The following SLC35A4 variants were observed in gnomAD, a reference collection of about 807,000 sequenced individuals.
The protein encoded by SLC35A4 is solute carrier family 35 member A4, also known as probable UDP-sugar transporter protein SLC35A4.
A neutral mutation model predicts 18.8 loss-of-function variants in SLC35A4; 9 were observed. The ratio of observed to expected loss-of-function variants is 0.48; its 90% CI spans 0.29 to 0.83. The LOEUF is 0.83. SLC35A4 is among the 40% of genes least tolerant of loss of function. SLC35A4 has a pLI of 0.09. For missense variants in SLC35A4, 404 were observed against 415.5 expected (o/e 0.97, Z 0.24); for synonymous variants, 189 against 191.9 (o/e 0.98, Z 0.13).
chr5:140,567,951 C>T lies in SLC35A4; in HGVS notation c.782C>T (p.Ala261Val). 1 of 1,614,222 alleles carries T rather than the reference C, an allele frequency of 6.2e-7. No individual in the cohort carries two copies. Among genetic ancestry groups the T allele is most frequent in the South Asian group, 1.1e-5 (1 of 91,088 alleles). The change falls in exon 3 of 3, where the codon GCA (alanine) becomes GTA (valine). Residue 261 changes from alanine (A) to valine (V), a missense_variant. By Grantham distance (64) the Ala-to-Val change is moderately conservative. Transcript: ENST00000323146. ...GWAALVVLSQALNGLLMSAVM... is the reference protein window; with the variant it reads ...GWAALVVLSQVLNGLLMSAVM... The stretch of plus-strand genomic sequence containing the variant: ...GCAGCACTCGTGGTGCTGAGCCAGG[C>T]ACTAAATGGACTGCTCATGTCTGCT...
Position 140,568,187 on chromosome 5 carries a change from GCGC to G in SLC35A4, c.*45_*47del. The G allele has an allele frequency of 6.2e-7, 1 of 1,613,112 alleles. No individual in the cohort carries two copies. The highest frequency in any genetic ancestry group is 2.2e-5 in the East Asian group (1 of 44,886). On this transcript the variant is annotated 3_prime_UTR_variant, in exon 3 of 3. Transcript: ENST00000323146. ...CCTGATTCCGGACCCTGTAGATTGG[GCGC>G]CACCACCAGATCCCCCTCCCAGGCC...
In SLC35A4 at chr5:140,568,326, A is replaced by C. The variant is rs1235095518; in HGVS notation, c.*182A>C. 1.1e-6 allele frequency: 1 copy of C among 927,202 alleles called. No individual in the cohort carries two copies. Among genetic ancestry groups the C allele is most frequent in the Non-Finnish European group, 1.6e-6 (1 of 618,132 alleles). 57.4% of individuals were successfully genotyped at this position (927,202 alleles called of 1,614,324 possible). A position where few individuals can be genotyped will look rare whatever the true frequency, so the allele number is the denominator to read the frequency against. On this transcript the variant is annotated 3_prime_UTR_variant, in exon 3 of 3. Transcript: ENST00000323146. ...GGTTGGTGGATGAAGGGGTACCCCT[A>C]GGAGATGTGAAGTGTGGGTTTGGTT...
Position 140,566,762 on chromosome 5 carries a change from G to T in SLC35A4, c.-408G>T. On this transcript the variant is annotated 5_prime_UTR_variant, in exon 3 of 3. The change abolishes the stop of an existing upstream ORF in the 5' untranslated region. Transcript: ENST00000323146. ...AGTTGCTACGCAAGGGGCCCGACTA[G>T]CTCTAGGTGCCATGGAAGAGGCAGG... 1.7e-6 allele frequency: 1 copy of T among 599,166 alleles called. No homozygotes were observed. Among genetic ancestry groups the T allele is most frequent in the South Asian group, 2.0e-5 (1 of 49,672 alleles). The allele number at this position is 599,166 out of a possible 1,614,324, so 37.1% of individuals were successfully genotyped here.
chr5:140,567,459 G>A lies in SLC35A4; in HGVS notation c.290G>A (p.Gly97Asp). 1.2e-6 allele frequency: 2 copies of A among 1,614,122 alleles called. No individual in the cohort carries two copies. Among genetic ancestry groups the A allele is most frequent in the Non-Finnish European group, 1.7e-6 (2 of 1,180,030 alleles). Reference sequence around the variant, plus strand: ...TTCGCACTATCAGCCCTGCTCTATGGCGCTAACAACAACCTGGTGATCTAT... The same window carrying A: ...TTCGCACTATCAGCCCTGCTCTATGACGCTAACAACAACCTGGTGATCTAT... ...APFALSALLY[G>D]ANNNLVIYLQ... Residue 97 changes from glycine to aspartate, a missense_variant, in exon 3 of 3, where the codon GGC becomes GAC. Coordinates refer to ENST00000323146, the MANE Select transcript of SLC35A4 (RefSeq NM_080670.4).
chr5:140,565,751 G>A, intron 1 of SLC35A4, 122 bp from the exon 2 acceptor site: 1 of 395,454 alleles, frequency 2.5e-6, no homozygotes, highest in Admixed American at 4.4e-5. Flanking sequence ...ATCTCAGGAA[G>A]CTTTTATAGG....
At position 140,567,846 on chromosome 5, in the gene SLC35A4, C is replaced by T; in HGVS notation, c.677C>T (p.Thr226Ile). Residue 226 changes from threonine to isoleucine, a missense_variant, in exon 3 of 3, where the codon ACT becomes ATT. By Grantham distance (89) the Thr-to-Ile change is moderately conservative. Coordinates refer to ENST00000323146, the MANE Select transcript of SLC35A4 (RefSeq NM_080670.4). Reference protein sequence around the residue: ...PLALQNLFLYTFGVLLNLGLH... With the variant: ...PLALQNLFLYIFGVLLNLGLH... ...GCACTTCAGAACCTCTTCCTCTACA[C>T]TTTTGGTGTGCTTCTGAATCTAGGT... 6.2e-7 allele frequency: 1 copy of T among 1,614,170 alleles called. No individual in the cohort carries two copies.
rs774466380 is a variant in SLC35A4 at position 140,568,134 on chromosome 5, G to A, written c.965G>A (p.Gly322Asp). ...GGCCTGGCCATGCGCCTGTACTATGGCAGCCGCTAGTCCCTGACAACTTCC... is the reference window on the plus strand; with the variant it reads ...GGCCTGGCCATGCGCCTGTACTATGACAGCCGCTAGTCCCTGACAACTTCC... ...LIGLAMRLYY[G>D]SR The change falls in exon 3 of 3, where the codon GGC (glycine) becomes GAC (aspartate). Residue 322 changes from glycine to aspartate, a missense_variant. Transcript: ENST00000323146. 4.3e-6 allele frequency: 7 copies of A among 1,613,038 alleles called. No individual in the cohort carries two copies. The highest frequency in any genetic ancestry group is 1.7e-5 in the Admixed American group (1 of 60,018).
chr5:140,568,265 G>C lies in SLC35A4; in HGVS notation c.*121G>C. ...CTGTAACAAGTGCCTTGTGAGAAAA[G>C]CTGGAGAAGTGAGGGCAGCCAGGTT... On this transcript the variant is annotated 3_prime_UTR_variant, in exon 3 of 3. Transcript: ENST00000323146. 6.6e-7 allele frequency: 1 copy of C among 1,515,012 alleles called. No individual in the cohort carries two copies. Among genetic ancestry groups the C allele is most frequent in the Non-Finnish European group, 9.0e-7 (1 of 1,109,602 alleles). 93.8% of individuals were successfully genotyped at this position (1,515,012 alleles called of 1,614,324 possible). A position where few individuals can be genotyped will look rare whatever the true frequency, so the allele number is the denominator to read the frequency against.
chr5:140,566,313 G>T (rs1473649406), intron 2 of SLC35A4, among the ~76,000 whole-genome samples: 1 of 152,152 alleles, frequency 6.6e-6, no homozygotes, highest in African/African-American at 2.4e-5. Context: ...CAGGGCTAGG[G>T]GCATCTCTGA....
rs201284910 is a variant in SLC35A4, at chr5:140,567,261, G to T, written c.92G>T (p.Gly31Val). ...LMLLLSTAMY[G>V]AHAPLLALCH... ...CTACTCCTATCCACTGCCATGTACG[G>T]TGCCCATGCCCCATTGCTGGCACTG... Residue 31 changes from glycine (G) to valine (V), a missense_variant, in exon 3 of 3, where the codon GGT (glycine) becomes GTT (valine). Transcript: ENST00000323146. 1.2e-4 allele frequency: 199 copies of T among 1,614,202 alleles called. 2 individuals carry two copies. In the East Asian group the frequency reaches 3.0e-3, roughly 25 times the overall value.
rs142141597 is a variant in SLC35A4, at chr5:140,568,447, C to T, written c.*303C>T. ...CCTAGGCCTGAGAAATAACCCCATC[C>T]TTGTTGGGCAGCTCCCTGCTTTGTC... On this transcript the variant is annotated 3_prime_UTR_variant, in exon 3 of 3. Transcript: ENST00000323146. 305 of 435,386 alleles carry T rather than the reference C, an allele frequency of 7.0e-4. 1 individual carries two copies. The highest frequency in any genetic ancestry group is 5.6e-3 in the African/African-American group (277 of 49,676). 27.0% of individuals were successfully genotyped at this position (435,386 alleles called of 1,614,324 possible).
rs1224213522 is a variant in SLC35A4 at position 140,566,970 on chromosome 5, C to G, written c.-200C>G. On this transcript the variant is annotated 5_prime_UTR_variant, in exon 3 of 3. Transcript: ENST00000323146. ...CTTCCTAGCTCCATGGGACTCGCCC[C>G]AAGACTGTGGCTTCAAGGACCACCA... 7.4e-6 allele frequency: 6 copies of G among 813,014 alleles called. No homozygotes were observed. The highest frequency in any genetic ancestry group is 1.7e-5 in the African/African-American group (1 of 59,140). 50.4% of individuals were successfully genotyped at this position (813,014 alleles called of 1,614,324 possible).
Position 140,569,063 on chromosome 5 carries a change from T to A in SLC35A4, c.*919T>A, listed in dbSNP as rs1408213758. 6.0e-6 allele frequency: 1 copy of A among 167,044 alleles called. No homozygotes were observed. The highest frequency in any genetic ancestry group is 2.4e-5 in the African/African-American group (1 of 41,426). The allele number at this position is 167,044 out of a possible 1,614,324, so 10.3% of individuals were successfully genotyped here. On this transcript the variant is annotated 3_prime_UTR_variant, in exon 3 of 3. Transcript: ENST00000323146. ...CATAAGCAATAAGATCTTAATAAAG[T>A]CTTCTAGGCTGTAGGGTGGTTCCTA...
In SLC35A4 at chr5:140,568,456, C is replaced by A. The variant is rs1284992444; in HGVS notation, c.*312C>A. The A allele has an allele frequency of 9.6e-6, 4 of 416,016 alleles. No homozygotes were observed. In the East Asian group the frequency reaches 2.2e-4, roughly 23 times the overall value. 25.8% of individuals were successfully genotyped at this position (416,016 alleles called of 1,614,324 possible). A position where few individuals can be genotyped will look rare whatever the true frequency, so the allele number is the denominator to read the frequency against. ...GAGAAATAACCCCATCCTTGTTGGG[C>A]AGCTCCCTGCTTTGTCCTGCATGAA... On this transcript the variant is annotated 3_prime_UTR_variant, in exon 3 of 3. Coordinates refer to ENST00000323146, the MANE Select transcript of SLC35A4 (RefSeq NM_080670.4).
rs1755258789 is a variant in SLC35A4 at position 140,569,060 on chromosome 5, A to C, written c.*916A>C. On this transcript the variant is annotated 3_prime_UTR_variant, in exon 3 of 3. Transcript: ENST00000323146. ...CTGCATAAGCAATAAGATCTTAATA[A>C]AGTCTTCTAGGCTGTAGGGTGGTTC... 1 of 166,978 alleles carries C rather than the reference A, an allele frequency of 6.0e-6. No individual in the cohort carries two copies. The allele number at this position is 166,978 out of a possible 1,614,324, so 10.3% of individuals were successfully genotyped here.
chr5:140,567,749 C>T lies in SLC35A4; in HGVS notation c.580C>T (p.Leu194=), dbSNP rs1184358393. 3 of 1,614,034 alleles carry T rather than the reference C, an allele frequency of 1.9e-6. No individual in the cohort carries two copies. The African/African-American group carries it at 4.0e-5, about 22-fold the overall frequency. Residue 194 remains leucine (L), a synonymous_variant, in exon 3 of 3, where the codon CTG becomes TTG. Transcript: ENST00000323146. ...ITPLGLLLLI[L]YCLISGLSSV... ...TCCGCTAGGCCTGCTGCTCCTCATT[C>T]TGTACTGCCTCATCTCAGGCTTGTC...
chr5:140,567,643 A>C lies in SLC35A4; in HGVS notation c.474A>C (p.Ala158=). Residue 158 remains alanine (A), a synonymous_variant, in exon 3 of 3, where the codon GCA becomes GCC. Coordinates refer to ENST00000323146, the MANE Select transcript of SLC35A4 (RefSeq NM_080670.4). ...TGGCTGCGGGAGCCTGCTATGCAGC[A>C]GGGGGCCTTCAAGTTCCCGGGAACA... ...LLMAAGACYA[A]GGLQVPGNTL... is the part of the protein sequence containing the mutation. 1 of 1,614,152 alleles carries C rather than the reference A, an allele frequency of 6.2e-7. No homozygotes were observed. Among genetic ancestry groups the C allele is most frequent in the Non-Finnish European group, 8.5e-7 (1 of 1,180,030 alleles).
chr5:140,567,421 C>A lies in SLC35A4; in HGVS notation c.252C>A (p.Arg84=), dbSNP rs757031321. The change falls in exon 3 of 3, where the codon CGC becomes CGA. Residue 84 remains arginine, a synonymous_variant. Transcript: ENST00000323146. ...QAWPQGPPPW[R]QAAPFALSAL... is the part of the protein sequence containing the mutation. ...GGCCCCAGGGGCCCCCACCCTGGCG[C>A]CAGGCTGCTCCCTTCGCACTATCAG... is the stretch of plus-strand genomic sequence containing the variant. 2 of 1,614,032 alleles carry A rather than the reference C, an allele frequency of 1.2e-6. No homozygotes were observed. Among genetic ancestry groups the A allele is most frequent in the African/African-American group, 2.7e-5 (2 of 74,954 alleles).
At position 140,567,183 on chromosome 5, in the gene SLC35A4, A is replaced by G; in HGVS notation, c.14A>G (p.Asp5Gly). 6.2e-7 allele frequency: 1 copy of G among 1,612,252 alleles called. No homozygotes were observed. Among genetic ancestry groups the G allele is most frequent in the Non-Finnish European group, 8.5e-7 (1 of 1,179,250 alleles). ...TCTTGTGTGGGTATGAGTGTAGAGG[A>G]TGGGGGTATGCCAGGCCTGGGCCGT... Reference protein sequence around the residue: MSVEDGGMPGLGRPR... With the variant: MSVEGGGMPGLGRPR... The change falls in exon 3 of 3, where the codon GAT (aspartate) becomes GGT (glycine). Residue 5 changes from aspartate to glycine, a missense_variant. Asp to Gly is a moderately conservative substitution (Grantham distance 94). Coordinates refer to ENST00000323146, the MANE Select transcript of SLC35A4 (RefSeq NM_080670.4).
Sources: gnomAD v4.1 joint callset for allele counts (sites outside exome capture counted in the v4.1 genomes callset) on GRCh38, gnomAD v4.1.1 for gene constraint, MANE v1.5 for transcripts, NCBI Gene and HGNC (gene_info 2026-07-23, HGNC 2026-07-21) for gene names.